ZZEF1: variants seen among roughly 807,000 people sequenced by gnomAD.
ZZEF1 encodes zinc finger ZZ-type and EF-hand domain-containing protein 1.
In ZZEF1, 157 loss-of-function variants were observed where a neutral mutation model predicts 342.8. That is an observed-to-expected ratio of 0.46 (90% confidence interval 0.40 to 0.52). ZZEF1 has a LOEUF of 0.52. Ranked by LOEUF, ZZEF1 falls within the 20% of genes least tolerant of loss-of-function variation. The pLI is 0.00. For missense variants in ZZEF1, 3,480 were observed against 3,725.6 expected (o/e 0.93, Z 1.72); for synonymous variants, 1,505 against 1,429.1 (o/e 1.05, Z -1.20).
At chr17:4,044,814 G>A (rs1008418771) in intron 37 of ZZEF1, among the ~76,000 whole-genome samples, 3 of 152,094 alleles carry the variant, frequency 2.0e-5, no homozygotes, top group East Asian at 1.9e-4. Context: ...ACCAGGCCTC[G>A]CCTATGCCAC....
In ZZEF1 at chr17:4,016,309, G is replaced by A. The variant is rs2466945; in HGVS notation, c.8145+14C>T. The A allele has an allele frequency of 0.014, 23,112 of 1,607,258 alleles. 2,832 individuals are homozygous for A. In the African/African-American group the frequency reaches 0.27, roughly 19 times the overall value. On this transcript the variant is annotated intron_variant, in intron 49 of 54. Coordinates refer to ENST00000381638, the MANE Select transcript of ZZEF1 (RefSeq NM_015113.4). The surrounding 1 kb of genome is among the most constrained non-coding windows in gnomAD (Gnocchi z 4.4). ...CTCAGTCGCTCTTATGGGGCCTGCC[G>A]GCCCCAGGCTTACCTCGAAGTTGGT...
Position 4,064,444 on chromosome 17 carries a change from T to C in ZZEF1, c.4635A>G (p.Arg1545=), listed in dbSNP as rs1273535557. 2 of 1,614,142 alleles carry C rather than the reference T, an allele frequency of 1.2e-6. No homozygotes were observed. Residue 1545 remains arginine (R), a synonymous_variant, in exon 29 of 55, where the codon AGA becomes AGG. Transcript: ENST00000381638. ...ATTTCTCTTTCACTGTGGGCACCAG[T>C]CTGGCCTCCTCCATGGATCGAAAGG... The part of the protein sequence containing the change: ...LLSFRSMEEA[R]LVPTVKEKYP...
chr17:4,055,003 C>T (rs1272595817), intron 33 of ZZEF1, among the ~76,000 whole-genome samples: 2 of 152,090 alleles, frequency 1.3e-5, no homozygotes, highest in Admixed American at 6.6e-5. Flanking sequence ...CGTGGTTGGA[C>T]GATGGTAGTG....
intron 32 of ZZEF1, chr17:4,056,783 C>A (rs1246007084): frequency 6.6e-6 from 1 of 152,230 alleles, no homozygotes; most frequent in Non-Finnish European, 1.5e-5. Context: ...CTACCACCAG[C>A]TGCTGTGAGA....
At chr17:4,109,929 C>A (rs1038780281) in intron 5 of ZZEF1, 66 bp from the exon 6 acceptor site, 16 of 1,519,328 alleles carry the variant, frequency 1.1e-5, no homozygotes, top group Non-Finnish European at 1.3e-5. Flanking sequence ...GGGCTCCCAA[C>A]TAAAAGCAAA....
chr17:4,108,731 A>C (rs1001988187), intron 6 of ZZEF1, among the ~76,000 whole-genome samples: 6 of 152,240 alleles, frequency 3.9e-5, no homozygotes, highest in Admixed American at 6.5e-5. Flanking sequence ...AATAAAAATT[A>C]TTTGTTAAAT....
intron 15 of ZZEF1, 111 bp from the exon 16 acceptor site, chr17:4,085,914 A>C: frequency 3.7e-6 from 5 of 1,369,218 alleles, no homozygotes; most frequent in Non-Finnish European, 4.0e-6. Context: ...TTAATACCAG[A>C]GTGAAGAAGT....
intron 11 of ZZEF1, among the ~76,000 whole-genome samples, chr17:4,094,288 C>G (rs940825263): frequency 6.6e-6 from 1 of 151,980 alleles, no homozygotes; most frequent in Non-Finnish European, 1.5e-5. Context: ...ACTACAGGCG[C>G]GTGATACCAT....
At chr17:4,133,539 C>G (rs1003240078) in intron 1 of ZZEF1, among the ~76,000 whole-genome samples, 1 of 152,158 alleles carries the variant, frequency 6.6e-6, no homozygotes, top group Non-Finnish European at 1.5e-5. Flanking sequence ...GAACTCCTAT[C>G]AACTCTAGAA....
chr17:4,078,653 G>GTT (rs1180909932), intron 18 of ZZEF1, among the ~76,000 whole-genome samples: 1 of 152,234 alleles, frequency 6.6e-6, no homozygotes, highest in Non-Finnish European at 1.5e-5. Context: ...TGTGGATGGA[G>GTT]GGAAATGGAC....
intron 1 of ZZEF1, among the ~76,000 whole-genome samples, chr17:4,141,405 C>T (rs1339767971): frequency 2.0e-5 from 3 of 152,174 alleles, no homozygotes; most frequent in Non-Finnish European, 2.9e-5. Flanking sequence ...TGTACACACC[C>T]TTCGTGGCCA....
intron 16 of ZZEF1, among the ~76,000 whole-genome samples, chr17:4,084,284 C>A (rs1213465372): frequency 6.7e-6 from 1 of 148,328 alleles, no homozygotes; most frequent in Non-Finnish European, 1.5e-5. Context: ...AAAATATTTT[C>A]TGCATTTAGT....
Position 4,017,060 on chromosome 17 carries a change from T to G in ZZEF1, c.8001+311A>C. 3.0e-6 allele frequency: 1 copy of G among 334,906 alleles called. No homozygotes were observed. Among genetic ancestry groups the G allele is most frequent in the Non-Finnish European group, 5.6e-6 (1 of 177,478 alleles). 20.7% of individuals were successfully genotyped at this position (334,906 alleles called of 1,614,324 possible). ...CTTCCTCATGGACTGCGTGTGTGTG[T>G]GTGAAGGTGGGTGAGGGACAGGATC... On this transcript the variant is annotated intron_variant, in intron 48 of 54. Coordinates refer to ENST00000381638, the MANE Select transcript of ZZEF1 (RefSeq NM_015113.4). The surrounding 1 kb of genome is among the most constrained non-coding windows in gnomAD (Gnocchi z 5.1).
At chr17:4,136,435 A>G (rs1399204989) in intron 1 of ZZEF1, among the ~76,000 whole-genome samples, 2 of 152,026 alleles carry the variant, frequency 1.3e-5, no homozygotes, top group Non-Finnish European at 2.9e-5. Flanking sequence ...TACAACACTT[A>G]TTGAGCACTG....
At chr17:4,088,939 G>T in intron 12 of ZZEF1, 46 bp from the exon 13 acceptor site, 1 of 1,582,604 alleles carries the variant, frequency 6.3e-7, no homozygotes, top group South Asian at 1.1e-5. Context: ...CAGAATCCCT[G>T]AATATTGATT....
Position 4,027,288 on chromosome 17 carries a change from T to TA in ZZEF1, c.6893-2171_6893-2170insT, listed in dbSNP as rs1567773176. The stretch of plus-strand genomic sequence containing the variant: ...CCTACGCACCCAGCAATATCTCACT[T>TA]TTTTTTTTTTTTTTTTTTTTTTTTG... On this transcript the variant is annotated intron_variant, in intron 42 of 54. Coordinates refer to ENST00000381638, the MANE Select transcript of ZZEF1 (RefSeq NM_015113.4). Among the ~76,000 whole-genome samples, 38 of 121,284 alleles carry TA rather than the reference T, an allele frequency of 3.1e-4. 1 individual carries two copies. In the East Asian group the frequency reaches 5.7e-3, roughly 18 times the overall value. 79.6% of individuals were successfully genotyped at this position (121,284 alleles called of 152,430 possible). A position where few individuals can be genotyped will look rare whatever the true frequency, so the allele number is the denominator to read the frequency against.
intron 8 of ZZEF1, among the ~76,000 whole-genome samples, chr17:4,102,976 T>C (rs1192674187): frequency 6.6e-6 from 1 of 152,120 alleles, no homozygotes; most frequent in South Asian, 2.1e-4. Flanking sequence ...TAATAGAATG[T>C]ACACCTGTTC....
intron 52 of ZZEF1, among the ~76,000 whole-genome samples, chr17:4,011,678 TATA>T (rs1460997859): frequency 3.9e-5 from 6 of 152,174 alleles, no homozygotes; most frequent in Admixed American, 3.9e-4. Context: ...TATATAATTA[TATA>T]ATATTGGATT....
Position 4,076,923 on chromosome 17 carries a change from T to C in ZZEF1, c.3056A>G (p.Lys1019Arg). 1.2e-6 allele frequency: 2 copies of C among 1,614,238 alleles called. No homozygotes were observed. The highest frequency in any genetic ancestry group is 1.3e-5 in the African/African-American group (1 of 75,066). Residue 1019 changes from lysine to arginine, a missense_variant, in exon 20 of 55, where the codon AAA becomes AGA. Coordinates refer to ENST00000381638, the MANE Select transcript of ZZEF1 (RefSeq NM_015113.4). ...GTTACATAATCTTTCTACTATGGTT[T>C]TTCCACTGTACTGTGAGAAAAGGGA... ...LESLFSQYSGKTIVERLCNSV... is the reference protein window; with the variant it reads ...LESLFSQYSGRTIVERLCNSV...
Sources: allele counts gnomAD v4.1 joint callset (sites outside exome capture counted in the v4.1 genomes callset), GRCh38; gene constraint gnomAD v4.1.1; non-coding constraint Gnocchi (gnomAD v3.1); transcripts MANE v1.5; gene names NCBI Gene and HGNC (gene_info 2026-07-23, HGNC 2026-07-21).